Variants in ZFYVE9 observed in about 807,000 individuals in gnomAD.
ZFYVE9 encodes the protein zinc finger FYVE-type containing 9, also known as zinc finger FYVE domain-containing protein 9.
In ZFYVE9, 43 loss-of-function variants were observed where a neutral mutation model predicts 126.7. The observed-to-expected ratio is 0.34, with a 90% CI of 0.27 to 0.44. The LOEUF is 0.44. Ranked by LOEUF, ZFYVE9 falls within the 20% of genes least tolerant of loss-of-function variation. The pLI is 1.00. For missense variants in ZFYVE9, 1,476 were observed against 1,697.0 expected (o/e 0.87, Z 2.29); for synonymous variants, 521 against 597.4 (o/e 0.87, Z 1.87).
At chr1:52,158,833 C>A (rs1223169598) in intron 1 of ZFYVE9, among the ~76,000 whole-genome samples, 1 of 151,334 alleles carries the variant, frequency 6.6e-6, no homozygotes, top group Non-Finnish European at 1.5e-5. Context: ...AACTGAGTCA[C>A]CCAGGTTGGA....
intron 1 of ZFYVE9, among the ~76,000 whole-genome samples, chr1:52,190,494 C>T (rs560729049): frequency 3.3e-4 from 51 of 152,292 alleles, no homozygotes; most frequent in Non-Finnish European, 5.7e-4. Flanking sequence ...CTGTTGATGA[C>T]TAAATAAAAC....
At chr1:52,162,446 T>C (rs1471109231) in intron 1 of ZFYVE9, 6 of 253,440 alleles carry the variant, frequency 2.4e-5, no homozygotes, top group Admixed American at 2.3e-4. Context: ...AATAGAATAA[T>C]CCACCCGAAT....
chr1:52,168,317 A>C (rs1644532527), intron 1 of ZFYVE9, among the ~76,000 whole-genome samples: 1 of 149,148 alleles, frequency 6.7e-6, no homozygotes, highest in Non-Finnish European at 1.5e-5. Flanking sequence ...CCCAGGTTCA[A>C]GCAGTTGTCC....
At chr1:52,239,847 G>A (rs1645315903) in intron 4 of ZFYVE9, among the ~76,000 whole-genome samples, 1 of 152,132 alleles carries the variant, frequency 6.6e-6, no homozygotes, top group Admixed American at 6.6e-5. Flanking sequence ...TTGAGGAAGT[G>A]TAAACTTTGT....
chr1:52,340,579 G>A (rs890873852), intron 17 of ZFYVE9, among the ~76,000 whole-genome samples: 6 of 152,036 alleles, frequency 3.9e-5, no homozygotes, highest in Admixed American at 6.6e-5. Flanking sequence ...ATAACATGAC[G>A]GTCTTTAAAA....
intron 13 of ZFYVE9, among the ~76,000 whole-genome samples, chr1:52,331,516 G>C (rs183082720): frequency 2.5e-4 from 38 of 151,534 alleles, no homozygotes; most frequent in African/African-American, 8.7e-4. Flanking sequence ...ACTTTGGGAG[G>C]CTGAGGTGGG....
At chr1:52,237,433 A>G in intron 3 of ZFYVE9, 55 bp from the exon 4 acceptor site, 1 of 1,438,352 alleles carries the variant, frequency 7.0e-7, no homozygotes, top group Non-Finnish European at 9.4e-7. Context: ...TAACTTAGTC[A>G]TAAGCTTTTC....
chr1:52,178,620 C>T (rs1264883422), intron 1 of ZFYVE9, among the ~76,000 whole-genome samples: 15 of 152,074 alleles, frequency 9.9e-5, no homozygotes, highest in African/African-American at 2.9e-4. Context: ...TGAGCCACCT[C>T]GCCCGGCTTA....
At chr1:52,286,348 C>T (rs1645859088) in intron 10 of ZFYVE9, among the ~76,000 whole-genome samples, 2 of 152,076 alleles carry the variant, frequency 1.3e-5, no homozygotes, top group Admixed American at 1.3e-4. Context: ...TTTATAACTT[C>T]CTGTGAATTT....
chr1:52,162,927 T>A (rs1461909141), intron 1 of ZFYVE9: 1 of 505,498 alleles, frequency 2.0e-6, no homozygotes, highest in Non-Finnish European at 3.8e-6. Flanking sequence ...ATCCTGACCA[T>A]CTCTCCAATT....
intron 10 of ZFYVE9, among the ~76,000 whole-genome samples, chr1:52,289,597 A>G (rs933098932): frequency 6.6e-6 from 1 of 152,228 alleles, no homozygotes; most frequent in African/African-American, 2.4e-5. Context: ...AAATTAGTAC[A>G]TTACAGACTT....
At chr1:52,345,798 C>G (rs1407861404) in intron 18 of ZFYVE9, 1 of 327,356 alleles carries the variant, frequency 3.1e-6, no homozygotes. Context: ...TACCTTTTTA[C>G]ACACCTCTAC....
intron 1 of ZFYVE9, among the ~76,000 whole-genome samples, chr1:52,204,944 T>C (rs570783673): frequency 4.5e-4 from 68 of 152,292 alleles, no homozygotes; most frequent in African/African-American, 1.3e-3. Flanking sequence ...AATTCAAGCT[T>C]TTCTGCCCGA....
chr1:52,228,974 C>T (rs1198583887), intron 2 of ZFYVE9, among the ~76,000 whole-genome samples: 1 of 151,802 alleles, frequency 6.6e-6, no homozygotes, highest in Non-Finnish European at 1.5e-5. Context: ...ACTGTAACCT[C>T]GAACTCCTGG....
intron 12 of ZFYVE9, among the ~76,000 whole-genome samples, chr1:52,302,751 A>AG (rs1354301873): frequency 6.7e-6 from 1 of 149,132 alleles, no homozygotes; most frequent in Non-Finnish European, 1.5e-5. Context: ...ACTCTGTCTC[A>AG]GGAAAAAAAA....
At chr1:52,340,560 C>T (rs1027740014) in intron 17 of ZFYVE9, among the ~76,000 whole-genome samples, 2 of 152,176 alleles carry the variant, frequency 1.3e-5, no homozygotes, top group Non-Finnish European at 2.9e-5. Flanking sequence ...TACTTATAAA[C>T]TATTTTAGAT....
At chr1:52,172,418 T>C (rs2124526454) in intron 1 of ZFYVE9, among the ~76,000 whole-genome samples, 1 of 152,340 alleles carries the variant, frequency 6.6e-6, no homozygotes, top group Admixed American at 6.5e-5. Flanking sequence ...GTAGTATAGT[T>C]TGAAGTCAGG....
intron 1 of ZFYVE9, among the ~76,000 whole-genome samples, chr1:52,167,113 G>A (rs1376285414): frequency 1.3e-5 from 2 of 152,114 alleles, no homozygotes; most frequent in East Asian, 1.9e-4. Context: ...ACAAACACAT[G>A]GTATCAGTAA....
At chr1:52,143,308 G>T (rs1447621298) in intron 1 of ZFYVE9, among the ~76,000 whole-genome samples, 1 of 152,148 alleles carries the variant, frequency 6.6e-6, no homozygotes, top group African/African-American at 2.4e-5. Context: ...GAAATAAAAT[G>T]ATTTGTTCTG....
Sources: allele counts gnomAD v4.1 joint callset (sites outside exome capture counted in the v4.1 genomes callset), GRCh38; gene constraint gnomAD v4.1.1; transcripts MANE v1.5; gene names NCBI Gene and HGNC (gene_info 2026-07-23, HGNC 2026-07-21).